TMEFF1: variants seen among roughly 807,000 people sequenced by gnomAD.
TMEFF1 encodes tomoregulin-1.
A neutral mutation model predicts 47.5 loss-of-function variants in TMEFF1; 20 were observed. The ratio of observed to expected loss-of-function variants is 0.42; its 90% CI spans 0.30 to 0.61. The LOEUF is 0.61. TMEFF1 is among the 20% of genes least tolerant of loss of function. The pLI, the probability that TMEFF1 is intolerant of heterozygous loss-of-function variation, is 0.19. For missense variants in TMEFF1, 411 were observed against 471.1 expected, an observed-to-expected ratio of 0.87 and a Z score of 1.18; for synonymous variants, 162 against 166.3, an observed-to-expected ratio of 0.97 and a Z score of 0.20.
At chr9:100,552,793 T>C (rs181269566) in intron 7 of TMEFF1, among the ~76,000 whole-genome samples, 5 of 151,328 alleles carry the variant, frequency 3.3e-5, no homozygotes, top group Admixed American at 1.3e-4. Flanking sequence ...GCCTAGGAGG[T>C]TGAGGCTGCA....
intron 7 of TMEFF1, among the ~76,000 whole-genome samples, chr9:100,554,056 C>T (rs955046040): frequency 1.3e-5 from 2 of 152,126 alleles, no homozygotes; most frequent in Non-Finnish European, 2.9e-5. Flanking sequence ...ATTATGAAGA[C>T]ATTCTCACTT....
intron 1 of TMEFF1, among the ~76,000 whole-genome samples, chr9:100,495,995 G>A (rs1189179673): frequency 6.6e-6 from 1 of 152,194 alleles, no homozygotes; most frequent in Non-Finnish European, 1.5e-5. Flanking sequence ...ATGCTATCCT[G>A]CTAGATACAT....
At chr9:100,572,470 A>G in intron 8 of TMEFF1, 48 bp from the exon 9 acceptor site, 1 of 1,479,966 alleles carries the variant, frequency 6.8e-7, no homozygotes, top group South Asian at 1.5e-5. Context: ...GCTTGGGAGT[A>G]TCAAAATTTG....
At chr9:100,565,427 C>T (rs2118559269) in intron 8 of TMEFF1, among the ~76,000 whole-genome samples, 1 of 152,342 alleles carries the variant, frequency 6.6e-6, no homozygotes, top group African/African-American at 2.4e-5. Context: ...TCTCCACCCA[C>T]TGCATACCTA....
At chr9:100,526,474 C>T (rs1406143511) in intron 5 of TMEFF1, among the ~76,000 whole-genome samples, 1 of 151,722 alleles carries the variant, frequency 6.6e-6, no homozygotes, top group African/African-American at 2.4e-5. Flanking sequence ...TTTTGCTGTA[C>T]TTTTTGAGAA....
intron 8 of TMEFF1, among the ~76,000 whole-genome samples, chr9:100,562,021 G>A (rs1042607048): frequency 6.6e-6 from 1 of 152,152 alleles, no homozygotes; most frequent in African/African-American, 2.4e-5. Context: ...TCAACAGCAA[G>A]TTAGAAATAG....
At position 100,547,843 on chromosome 9, in the gene TMEFF1, T is replaced by C. The variant is rs771131291; in HGVS notation, c.660T>C (p.Ser220=). 3.1e-6 allele frequency: 5 copies of C among 1,609,710 alleles called. No homozygotes were observed. The highest frequency in any genetic ancestry group is 1.7e-5 in the Admixed American group (1 of 58,876). ...YNNPCFVREA[S]CIKQEQIDIR... ...ATCCCTGTTTTGTTCGAGAAGCATC[T>C]TGTATAAAGCAAGAACAAATTGATA... Residue 220 remains serine, a synonymous_variant, in exon 6 of 10, where the codon TCT becomes TCC. Transcript: ENST00000374879.
At chr9:100,521,549 C>T (rs1298970559) in intron 5 of TMEFF1, among the ~76,000 whole-genome samples, 1 of 152,160 alleles carries the variant, frequency 6.6e-6, no homozygotes, top group Non-Finnish European at 1.5e-5. Flanking sequence ...TAGTACCACA[C>T]CCCCTCACTT....
In TMEFF1 at chr9:100,547,876, T is replaced by C; in HGVS notation, c.693T>C (p.His231=). Reference sequence around the variant, plus strand: ...AGCAAGAACAAATTGATATAAGGCATCTTGGTCATTGCACAGGTAAAATCC... The same window carrying C: ...AGCAAGAACAAATTGATATAAGGCACCTTGGTCATTGCACAGGTAAAATCC... ...CIKQEQIDIR[H]LGHCTDTDDT... The change falls in exon 6 of 10, where the codon CAT becomes CAC. Residue 231 remains histidine, a synonymous_variant. Transcript: ENST00000374879. 1 of 1,603,348 alleles carries C rather than the reference T, an allele frequency of 6.2e-7. No individual in the cohort carries two copies. The highest frequency in any genetic ancestry group is 8.5e-7 in the Non-Finnish European group (1 of 1,176,246).
At chr9:100,537,827 C>A (rs1470177260) in intron 5 of TMEFF1, among the ~76,000 whole-genome samples, 2 of 152,138 alleles carry the variant, frequency 1.3e-5, no homozygotes, top group African/African-American at 4.8e-5. Flanking sequence ...GATTGGCTAA[C>A]TTTATTTTCT....
At chr9:100,568,335 A>T (rs1398597386) in intron 8 of TMEFF1, among the ~76,000 whole-genome samples, 1 of 152,204 alleles carries the variant, frequency 6.6e-6, no homozygotes, top group Non-Finnish European at 1.5e-5. Flanking sequence ...ACTATTGGCC[A>T]TTAGCCTACC....
chr9:100,478,475 G>T (rs1463620833), intron 1 of TMEFF1, among the ~76,000 whole-genome samples: 1 of 152,030 alleles, frequency 6.6e-6, no homozygotes, highest in Non-Finnish European at 1.5e-5. Context: ...CACCACACTC[G>T]GCTAATTTTT....
rs1348142320 is a variant in TMEFF1, at chr9:100,561,388, T to C, written c.776-9T>C. 1 of 1,610,344 alleles carries C rather than the reference T, an allele frequency of 6.2e-7. No homozygotes were observed. Among genetic ancestry groups the C allele is most frequent in the East Asian group, 2.2e-5 (1 of 44,764 alleles). ...CATTGTTGAACGATCTGGTTTATGT[T>C]CTTTTAAGATGCTAGTGATCAAAGA... On this transcript the variant is annotated splice_polypyrimidine_tract_variant and intron_variant, in intron 7 of 9. Transcript: ENST00000374879.
In TMEFF1 at chr9:100,545,001, G is replaced by A. The variant is rs1025682316; in HGVS notation, c.561-2743G>A. 3.3e-5 allele frequency among the ~76,000 whole-genome samples: 5 copies of A among 152,190 alleles called. No individual in the cohort carries two copies. In the South Asian group the frequency reaches 8.3e-4, roughly 25 times the overall value. On this transcript the variant is annotated intron_variant, in intron 5 of 9. Transcript: ENST00000374879. Reference sequence around the variant, plus strand: ...CACCTTTGTGGCTCTGCAGGGTACAGGTGGCTCTGCAGGGTACAGCCTCCA... The same window carrying A: ...CACCTTTGTGGCTCTGCAGGGTACAAGTGGCTCTGCAGGGTACAGCCTCCA...
At chr9:100,508,968 G>T in intron 2 of TMEFF1, 37 bp from the exon 3 acceptor site, 1 of 1,526,620 alleles carries the variant, frequency 6.6e-7, no homozygotes, top group Non-Finnish European at 8.8e-7. Flanking sequence ...TAATATTCAT[G>T]CCTAGTTCTG....
intron 1 of TMEFF1, among the ~76,000 whole-genome samples, chr9:100,482,683 G>A (rs146577179): frequency 2.9e-4 from 44 of 152,332 alleles, no homozygotes; most frequent in African/African-American, 1.0e-3. Flanking sequence ...GGTGGGGTGA[G>A]TTGTGATGCT....
chr9:100,506,659 C>T lies in TMEFF1; in HGVS notation c.307-2346C>T, dbSNP rs1340249214. ...GCGGGCGCCTGTAGTCCCAGCTACT[C>T]GGGAGGCTGAGGCAGGAGAATGGCA... On this transcript the variant is annotated intron_variant, in intron 2 of 9. Transcript: ENST00000374879. Among the ~76,000 whole-genome samples the T allele has an allele frequency of 3.4e-5, 5 of 149,136 alleles. No homozygotes were observed. In the South Asian group the frequency reaches 1.1e-3, roughly 32 times the overall value.
intron 8 of TMEFF1, 101 bp from the exon 9 acceptor site, chr9:100,572,417 C>T (rs1328122011): frequency 3.1e-6 from 4 of 1,307,496 alleles, no homozygotes; most frequent in Non-Finnish European, 4.0e-6. Flanking sequence ...ATATCCTATT[C>T]CTGTTTAAAT....
In TMEFF1 at chr9:100,474,653, C is replaced by A. The variant is rs891978772; in HGVS notation, c.196+913C>A. Among the ~76,000 whole-genome samples, 3 of 151,854 alleles carry A rather than the reference C, an allele frequency of 2.0e-5. No homozygotes were observed. In the East Asian group the frequency reaches 5.9e-4, roughly 30 times the overall value. ...ATGCCCTTGTGTAGCAAGGTGTAAC[C>A]CTGGGTTATTAAAGTGTGGAAAGAG... On this transcript the variant is annotated intron_variant, in intron 1 of 9. Coordinates refer to ENST00000374879, the MANE Select transcript of TMEFF1 (RefSeq NM_003692.5).
Sources: allele counts gnomAD v4.1 joint callset (sites outside exome capture counted in the v4.1 genomes callset), GRCh38; gene constraint gnomAD v4.1.1; transcripts MANE v1.5; gene names NCBI Gene and HGNC (gene_info 2026-07-23, HGNC 2026-07-21).